Variants in SPSB4 observed in about 807,000 individuals in gnomAD.
SPSB4 encodes the protein SPRY domain-containing SOCS box protein 4.
In SPSB4, 21 loss-of-function variants were observed where a neutral mutation model predicts 20.9. The ratio of observed to expected loss-of-function variants is 1.01; its 90% CI spans 0.71 to 1.45. The LOEUF (loss-of-function observed/expected upper bound fraction) is 1.45, where lower values mean the gene tolerates loss of function less well. Among genes scored for constraint, SPSB4 ranks in the 40% most tolerant of loss-of-function variants. The pLI, the probability that SPSB4 is intolerant of heterozygous loss-of-function variation, is 0.00. For synonymous variants in SPSB4, 207 were observed against 183.8 expected (o/e 1.13, Z -1.02); for missense variants, 399 against 399.2 (o/e 1.00, Z 0.00).
chr3:141,112,644 CAAAAAAAAAAA>C (rs60396514), intron 2 of SPSB4, among the ~76,000 whole-genome samples: 2 of 32,882 alleles, frequency 6.1e-5, no homozygotes, highest in Non-Finnish European at 6.1e-5. Flanking sequence ...GACTCCGTCT[CAAAAAAAAAAA>C]AAAAAAAAAA....
chr3:141,133,600 G>A lies in SPSB4; in HGVS notation c.695-13542G>A, dbSNP rs1340503116. Among the ~76,000 whole-genome samples the A allele has an allele frequency of 2.6e-5, 4 of 152,064 alleles. No homozygotes were observed. The East Asian group carries it at 7.7e-4, about 29-fold the overall frequency. ...GCTTGGTCAAAGATCAGTTGGCTGT[G>A]GGTATTTGGCTTTATCTCTGGGTTC... On this transcript the variant is annotated intron_variant, in intron 2 of 2. Transcript: ENST00000310546.
chr3:141,131,872 T>C lies in SPSB4; in HGVS notation c.695-15270T>C, dbSNP rs1237308624. On this transcript the variant is annotated intron_variant, in intron 2 of 2. Transcript: ENST00000310546. ...CAGGAGATTCAGCAGTTTTAGTCAA[T>C]GTGGCTAGTTTTCCAAAGTGGTTGT... is the stretch of plus-strand genomic sequence containing the variant. Among the ~76,000 whole-genome samples the C allele has an allele frequency of 4.6e-5, 7 of 152,212 alleles. No homozygotes were observed. The East Asian group carries it at 1.2e-3, about 25-fold the overall frequency.
intron 2 of SPSB4, among the ~76,000 whole-genome samples, chr3:141,136,722 G>C (rs560641114): frequency 2.0e-5 from 3 of 152,080 alleles, no homozygotes; most frequent in Admixed American, 1.3e-4. Flanking sequence ...TACCAGTACC[G>C]TGCTGTTTTG....
At chr3:141,104,658 G>A (rs1306003477) in intron 2 of SPSB4, among the ~76,000 whole-genome samples, 1 of 152,244 alleles carries the variant, frequency 6.6e-6, no homozygotes, top group Non-Finnish European at 1.5e-5. Flanking sequence ...AGACTTTGCT[G>A]CCCAGACCTG....
intron 2 of SPSB4, among the ~76,000 whole-genome samples, chr3:141,124,360 C>T (rs1284408187): frequency 6.6e-6 from 1 of 152,112 alleles, no homozygotes; most frequent in African/African-American, 2.4e-5. Flanking sequence ...TCCCAAACCC[C>T]AAATTAGGAC....
At chr3:141,075,890 T>TAAAA (rs1576520316) in intron 2 of SPSB4, among the ~76,000 whole-genome samples, 1 of 18,334 alleles carries the variant, frequency 5.5e-5, no homozygotes, top group Non-Finnish European at 1.0e-4. Flanking sequence ...CTACTAAAAA[T>TAAAA]ACAAAAAAAA....
intron 2 of SPSB4, among the ~76,000 whole-genome samples, chr3:141,118,605 AGG>A: frequency 6.6e-6 from 1 of 152,318 alleles, no homozygotes; most frequent in African/African-American, 2.4e-5. Context: ...GTTTTCTTCT[AGG>A]GTTTTTATGG....
intron 2 of SPSB4, among the ~76,000 whole-genome samples, chr3:141,122,019 T>A (rs1340483739): frequency 6.6e-6 from 1 of 152,210 alleles, no homozygotes; most frequent in African/African-American, 2.4e-5. Context: ...ATTTTCAGCT[T>A]TTCTGCTCTG....
intron 2 of SPSB4, among the ~76,000 whole-genome samples, chr3:141,111,486 C>T (rs60034196): frequency 0.042 from 6,217 of 147,958 alleles, 428 homozygotes; most frequent in African/African-American, 0.15. Context: ...ACATAGTGAG[C>T]GCTCCATGCT....
intron 2 of SPSB4, chr3:141,077,334 C>T (rs1938136548): frequency 6.6e-6 from 1 of 152,220 alleles, no homozygotes; most frequent in Non-Finnish European, 1.5e-5. Flanking sequence ...AGTTCTGCTT[C>T]GTGACCCGCC....
rs1939430467 is a variant in SPSB4 at position 141,147,343 on chromosome 3, G to A, written c.*74G>A. 5 of 1,591,596 alleles carry A rather than the reference G, an allele frequency of 3.1e-6. No individual in the cohort carries two copies. Among genetic ancestry groups the A allele is most frequent in the Non-Finnish European group, 4.3e-6 (5 of 1,166,008 alleles). On this transcript the variant is annotated 3_prime_UTR_variant, in exon 3 of 3. Transcript: ENST00000310546. ...ACCCTCCTGTCATTCACAGTCCCAT[G>A]GCACATAGGGGAAAGGATCTACCCT...
intron 2 of SPSB4, among the ~76,000 whole-genome samples, chr3:141,121,671 A>T (rs940119968): frequency 6.6e-6 from 1 of 152,128 alleles, no homozygotes; most frequent in South Asian, 2.1e-4. Flanking sequence ...TTGATCTTCA[A>T]TCACTGATGT....
At chr3:141,121,280 C>T (rs1439359936) in intron 2 of SPSB4, among the ~76,000 whole-genome samples, 7 of 152,164 alleles carry the variant, frequency 4.6e-5, no homozygotes, top group South Asian at 2.1e-4. Flanking sequence ...CCAAGAGATT[C>T]GCTGTTAGTC....
At chr3:141,137,264 T>C (rs955359691) in intron 2 of SPSB4, among the ~76,000 whole-genome samples, 6 of 152,234 alleles carry the variant, frequency 3.9e-5, no homozygotes, top group African/African-American at 1.4e-4. Context: ...GTTTTCTAGA[T>C]GTACAATCAT....
rs191406178 is a variant in SPSB4, at chr3:141,053,168, T to C, written c.-154+1176T>C. On this transcript the variant is annotated intron_variant, in intron 1 of 2. Coordinates refer to ENST00000310546, the MANE Select transcript of SPSB4 (RefSeq NM_080862.3). ...GTTGGGGGATGAAGATAGGAGTTCC[T>C]TTCTCTCAGACTCTGAGCCCTCTAT... is the stretch of plus-strand genomic sequence containing the variant. Among the ~76,000 whole-genome samples the C allele has an allele frequency of 3.7e-3, 560 of 152,106 alleles. 5 individuals carry two copies. The highest frequency in any genetic ancestry group is 0.011 in the East Asian group (57 of 5,146).
intron 2 of SPSB4, among the ~76,000 whole-genome samples, chr3:141,119,012 T>C (rs560205464): frequency 3.6e-4 from 55 of 152,338 alleles, no homozygotes; most frequent in African/African-American, 1.2e-3. Flanking sequence ...AGTAGCTTTT[T>C]CCAATTATGT....
intron 2 of SPSB4, among the ~76,000 whole-genome samples, chr3:141,129,698 G>A (rs532838440): frequency 1.1e-4 from 17 of 152,308 alleles, no homozygotes; most frequent in African/African-American, 3.1e-4. Context: ...TTTGTCTTTG[G>A]AACAGCCCCA....
chr3:141,102,067 A>G (rs1938620157), intron 2 of SPSB4, among the ~76,000 whole-genome samples: 1 of 152,182 alleles, frequency 6.6e-6, no homozygotes, highest in African/African-American at 2.4e-5. Flanking sequence ...TCATGCTTTC[A>G]TTGATTCATT....
intron 2 of SPSB4, among the ~76,000 whole-genome samples, chr3:141,101,008 G>T (rs1001259204): frequency 6.6e-6 from 1 of 152,174 alleles, no homozygotes; most frequent in Non-Finnish European, 1.5e-5. Flanking sequence ...GCCAAGAAGG[G>T]AATGGAAACT....
Sources: allele counts gnomAD v4.1 joint callset (sites outside exome capture counted in the v4.1 genomes callset), GRCh38; gene constraint gnomAD v4.1.1; transcripts MANE v1.5; gene names NCBI Gene and HGNC (gene_info 2026-07-23, HGNC 2026-07-21).